PDK1: variants seen among roughly 807,000 people sequenced by gnomAD.
The protein encoded by PDK1 is [Pyruvate dehydrogenase (acetyl-transferring)] kinase isozyme 1, mitochondrial.
A neutral mutation model predicts 54.2 loss-of-function variants in PDK1; 39 were observed. The ratio of observed to expected loss-of-function variants is 0.72; its 90% CI spans 0.56 to 0.94. The LOEUF is 0.94. PDK1 is among the 40% of genes least tolerant of loss of function. The probability of loss-of-function intolerance (pLI) is 0.00; values close to 1 mark genes in which losing one functional copy is unlikely to be tolerated. For synonymous variants in PDK1, 221 were observed against 207.1 expected, an observed-to-expected ratio of 1.07 and a Z score of -0.58; for missense variants, 552 against 566.0, an observed-to-expected ratio of 0.98 and a Z score of 0.25.
At chr2:172,621,696 T>TATAACATGATATATATATATC in the PDK1 span, among the ~76,000 whole-genome samples, 1 of 147,350 alleles carries the variant, frequency 6.8e-6, no homozygotes, top group African/African-American at 2.5e-5. Context: ...ATATCATATA[T>TATAACATGATATATATATATC]ATGTTTATAT....
upstream of PDK1, chr2:172,555,557 G>A (rs1688266070): frequency 6.6e-6 from 1 of 152,108 alleles, no homozygotes; most frequent in Non-Finnish European, 1.5e-5. Flanking sequence ...TTTGGCAAGC[G>A]GGGACTCCTG....
Position 172,601,957 on chromosome 2 carries a change from A to G in PDK1, c.*5988A>G, listed in dbSNP as rs1451390239. The G allele has an allele frequency of 6.6e-6, 1 of 152,240 alleles. No homozygotes were observed. The highest frequency in any genetic ancestry group is 1.5e-5 in the Non-Finnish European group (1 of 68,044). 9.4% of individuals were successfully genotyped at this position (152,240 alleles called of 1,614,324 possible). A position where few individuals can be genotyped will look rare whatever the true frequency, so the allele number is the denominator to read the frequency against. ...GAAGAAATGGATATATTTCTAGGAA[A>G]ACAGTAGAAGATCCATCTAAGATTT... On this transcript the variant is annotated 3_prime_UTR_variant, in exon 11 of 11. Coordinates refer to ENST00000282077, the MANE Select transcript of PDK1 (RefSeq NM_002610.5).
the PDK1 span, among the ~76,000 whole-genome samples, chr2:172,706,957 G>C: frequency 2.0e-5 from 3 of 152,136 alleles, no homozygotes; most frequent in Admixed American, 2.0e-4. Flanking sequence ...GGGAGTTCCA[G>C]CTCCCCACTC....
the PDK1 span, among the ~76,000 whole-genome samples, chr2:172,672,282 T>TC: frequency 6.6e-6 from 1 of 152,358 alleles, no homozygotes; most frequent in Admixed American, 6.5e-5. Flanking sequence ...TCTTGCTAAG[T>TC]CATAGCTCTC....
chr2:172,661,434 G>C, the PDK1 span, among the ~76,000 whole-genome samples: 2 of 152,214 alleles, frequency 1.3e-5, no homozygotes, highest in Admixed American at 1.3e-4. Flanking sequence ...TGCCCGTCTG[G>C]GGGAAATACC....
the PDK1 span, among the ~76,000 whole-genome samples, chr2:172,668,455 A>G: frequency 6.6e-6 from 1 of 151,934 alleles, no homozygotes; most frequent in African/African-American, 2.4e-5. Context: ...TTCTCGACCT[A>G]AACTGTATAT....
At chr2:172,677,688 A>G in the PDK1 span, 1 of 152,246 alleles carries the variant, frequency 6.6e-6, no homozygotes, top group South Asian at 2.1e-4. Flanking sequence ...AAAAGTACAC[A>G]AATAATTAAA....
chr2:172,583,411 AGCCTCCCGAGTAGCTGAGAT>A (rs1304455441), intron 8 of PDK1, among the ~76,000 whole-genome samples: 2 of 147,608 alleles, frequency 1.4e-5, no homozygotes, highest in Non-Finnish European at 3.0e-5. Context: ...CTTGTGCCTC[AGCCTCCCGAGTAGCTGAGAT>A]TACAGGCGTG....
intron 9 of PDK1, among the ~76,000 whole-genome samples, chr2:172,590,669 C>T (rs964917127): frequency 1.3e-5 from 2 of 152,086 alleles, no homozygotes; most frequent in East Asian, 3.8e-4. Flanking sequence ...AGTGAAAGAA[C>T]AAAGTTTCCG....
At chr2:172,659,587 C>T in the PDK1 span, among the ~76,000 whole-genome samples, 1 of 152,074 alleles carries the variant, frequency 6.6e-6, no homozygotes, top group East Asian at 1.9e-4. Flanking sequence ...ATTTTGCCTC[C>T]CCTACATTAA....
intron 3 of PDK1, chr2:172,564,067 C>T (rs758154119): frequency 4.2e-6 from 2 of 472,028 alleles, no homozygotes; most frequent in South Asian, 3.1e-5. Flanking sequence ...AGGTCCAAAA[C>T]AGGCAGGCTT....
downstream of PDK1, among the ~76,000 whole-genome samples, chr2:172,610,047 C>T (rs752053101): frequency 1.5e-4 from 23 of 152,166 alleles, no homozygotes; most frequent in Non-Finnish European, 2.8e-4. Context: ...GTCTCAAACT[C>T]GTGACCTCAA....
At chr2:172,699,584 G>A in the PDK1 span, among the ~76,000 whole-genome samples, 1 of 151,000 alleles carries the variant, frequency 6.6e-6, no homozygotes, top group African/African-American at 2.4e-5. Context: ...AGGTAATTGC[G>A]ACCGATTTTC....
At chr2:172,568,623 C>A in intron 6 of PDK1, 118 bp from the exon 7 acceptor site, 2 of 668,124 alleles carry the variant, frequency 3.0e-6, no homozygotes, top group East Asian at 5.3e-5. Flanking sequence ...GCAGTTCTCC[C>A]CCAGGTAATA....
chr2:172,695,785 T>C, the PDK1 span, among the ~76,000 whole-genome samples: 2 of 152,152 alleles, frequency 1.3e-5, no homozygotes, highest in Non-Finnish European at 2.9e-5. Flanking sequence ...GAACTGCAGA[T>C]AGCCTGGTTG....
At chr2:172,716,184 G>A in the PDK1 span, among the ~76,000 whole-genome samples, 3 of 152,150 alleles carry the variant, frequency 2.0e-5, no homozygotes, top group Non-Finnish European at 4.4e-5. Context: ...CATTAATAAT[G>A]TGAAGGCAAA....
chr2:172,690,564 C>T, the PDK1 span, among the ~76,000 whole-genome samples: 16 of 149,898 alleles, frequency 1.1e-4, 2 homozygotes, highest in South Asian at 2.2e-4. Context: ...TTGTTTACTG[C>T]GGCACTGTTC....
At chr2:172,616,187 A>G in the PDK1 span, among the ~76,000 whole-genome samples, 2 of 152,040 alleles carry the variant, frequency 1.3e-5, no homozygotes, top group East Asian at 3.9e-4. Context: ...TTCAAAACCA[A>G]TTTAGCAGTT....
the PDK1 span, among the ~76,000 whole-genome samples, chr2:172,673,814 T>C: frequency 2.0e-5 from 3 of 152,214 alleles, no homozygotes; most frequent in Non-Finnish European, 4.4e-5. Flanking sequence ...GAAAGATTAC[T>C]CTCAATTGGT....
Sources: allele counts gnomAD v4.1 joint callset (sites outside exome capture counted in the v4.1 genomes callset), GRCh38; gene constraint gnomAD v4.1.1; transcripts MANE v1.5; gene names NCBI Gene and HGNC (gene_info 2026-07-23, HGNC 2026-07-21).